The following PXDN variants were observed in gnomAD, a reference collection of about 807,000 sequenced individuals.
The protein encoded by PXDN is peroxidasin.
In PXDN, 77 loss-of-function variants were observed where a neutral mutation model predicts 140.3. That is an observed-to-expected ratio of 0.55 (90% CI 0.46 to 0.66). The LOEUF (loss-of-function observed/expected upper bound fraction) is 0.66. PXDN is among the 30% of genes least tolerant of loss of function. The pLI, the probability that PXDN is intolerant of heterozygous loss-of-function variation, is 0.00. For missense variants in PXDN, 1,838 were observed against 2,039.5 expected (o/e 0.90, Z 1.90); for synonymous variants, 911 against 857.4 (o/e 1.06, Z -1.09).
chr2:1,734,344 C>A (rs571790047), intron 1 of PXDN, among the ~76,000 whole-genome samples: 5 of 152,228 alleles, frequency 3.3e-5, no homozygotes, highest in Admixed American at 6.5e-5. Context: ...AACACCTGAG[C>A]CTTCAGAGAG....
chr2:1,635,713 T>C (rs1682536650), intron 21 of PXDN, 192 bp from the exon 22 acceptor site: 4 of 595,188 alleles, frequency 6.7e-6, no homozygotes, highest in Admixed American at 2.5e-5. Flanking sequence ...CACGCCCCAA[T>C]GGAAGACATT....
At chr2:1,663,956 TA>T in intron 11 of PXDN, 193 bp from the exon 12 acceptor site, 2 of 618,904 alleles carry the variant, frequency 3.2e-6, no homozygotes, top group Non-Finnish European at 5.6e-6. Context: ...CCTGCACCCG[TA>T]ACTCAGACAG....
At position 1,644,632 on chromosome 2, in the gene PXDN, C is replaced by A; in HGVS notation, c.3729G>T (p.Leu1243=). The A allele has an allele frequency of 6.2e-7, 1 of 1,600,518 alleles. No homozygotes were observed. The change falls in exon 18 of 23, where the codon CTG becomes CTT. Residue 1243 remains leucine, a synonymous_variant. Transcript: ENST00000252804. ...MCLLSTQFKR[L]RDGDRLWYEN... Reference sequence around the variant, plus strand: ...CACGTGCTCACCTGTCCCCATCTCGCAGGCGCTTGAACTGTGTGCTGAGAA... The same window carrying A: ...CACGTGCTCACCTGTCCCCATCTCGAAGGCGCTTGAACTGTGTGCTGAGAA...
intron 17 of PXDN, among the ~76,000 whole-genome samples, chr2:1,646,981 T>C (rs1006836530): frequency 1.3e-5 from 2 of 152,146 alleles, no homozygotes; most frequent in South Asian, 4.2e-4. Flanking sequence ...CTGCAATATC[T>C]GCCACCCAGG....
At chr2:1,744,575 G>A (rs939276917), upstream of PXDN, 1 of 855,608 alleles carries the variant, frequency 1.2e-6, no homozygotes. Context: ...CGCCAGCTGT[G>A]CACATGCGCG....
intron 1 of PXDN, among the ~76,000 whole-genome samples, chr2:1,701,934 GGCTGGT>G (rs1251455353): frequency 6.6e-6 from 1 of 152,144 alleles, no homozygotes; most frequent in African/African-American, 2.4e-5. Flanking sequence ...ACACCCAATT[GGCTGGT>G]GCTTGATCTT....
rs747095466 is a variant in PXDN at position 1,649,553 on chromosome 2, T to A, written c.2227A>T (p.Thr743Ser). The A allele has an allele frequency of 1.2e-6, 2 of 1,614,018 alleles. No homozygotes were observed. Among genetic ancestry groups the A allele is most frequent in the South Asian group, 1.1e-5 (1 of 91,082 alleles). Residue 743 changes from threonine to serine, a missense_variant, in exon 17 of 23, where the codon ACG becomes TCG. Transcript: ENST00000252804. This position sits in a 1 kb window ranked among gnomAD's most constrained non-coding sequence, Gnocchi z 7.1. ...AGGTTGTTACAGGTGCCGTCGTGCG[T>A]CCGGTACTTCTGGTGGAAGCACATG... ...SDMCFHQKYR[T>S]HDGTCNNLQH...
intron 1 of PXDN, among the ~76,000 whole-genome samples, chr2:1,704,329 G>A (rs1684529163): frequency 2.6e-5 from 2 of 78,014 alleles, no homozygotes; most frequent in African/African-American, 4.9e-5. Flanking sequence ...GGTGAAGCGG[G>A]GGACAACTCC....
At chr2:1,744,166 T>C (rs1244118306) in intron 1 of PXDN, 90 bp downstream of exon 1, 60 of 494,816 alleles carry the variant, frequency 1.2e-4, no homozygotes, top group South Asian at 7.9e-4. Flanking sequence ...CCCTCCACCC[T>C]CCGCGCCCCC....
At chr2:1,656,897 TA>T (rs1683150392) in intron 14 of PXDN, among the ~76,000 whole-genome samples, 1 of 149,074 alleles carries the variant, frequency 6.7e-6, no homozygotes, top group African/African-American at 2.5e-5. Flanking sequence ...GACAGGGACC[TA>T]CCCCCTCCTG....
chr2:1,692,059 G>T, intron 2 of PXDN, 60 bp from the exon 3 acceptor site: 1 of 1,218,622 alleles, frequency 8.2e-7, no homozygotes, highest in Non-Finnish European at 1.1e-6. Flanking sequence ...TCGAAGTTGT[G>T]TTAAAACATT....
intron 17 of PXDN, among the ~76,000 whole-genome samples, chr2:1,646,866 T>C (rs915400394): frequency 6.6e-6 from 1 of 152,204 alleles, no homozygotes; most frequent in Non-Finnish European, 1.5e-5. Context: ...AGAATCACAA[T>C]GGGAAAACAC....
At chr2:1,635,226 T>C (rs1682518240) in intron 22 of PXDN, among the ~76,000 whole-genome samples, 182 bp downstream of exon 22, 1 of 152,166 alleles carries the variant, frequency 6.6e-6, no homozygotes, top group Non-Finnish European at 1.5e-5. Context: ...TAGCACGTCC[T>C]CTGTGCACAG....
chr2:1,648,224 C>T lies in PXDN; in HGVS notation c.3556G>A (p.Glu1186Lys), dbSNP rs199680670. ...TTTTTAATCTCATTTTTCAGGTCCT[C>T]GAACGTGTGTGCCGCCGATAGATTG... ...YCNLSAAHTF[E>K]DLKNEIKNPE... The change falls in exon 17 of 23, where the codon GAG becomes AAG. Residue 1186 changes from glutamate (E) to lysine (K), a missense_variant. Glu to Lys is a moderately conservative substitution (Grantham distance 56). Around this residue, in one of 5 missense-constraint regions of PXDN, gnomAD observed 850 missense variants for 894.1 expected, o/e 0.95. Transcript: ENST00000252804. The surrounding 1 kb of genome is among the most constrained non-coding windows in gnomAD (Gnocchi z 8.9). 37 of 1,613,728 alleles carry T rather than the reference C, an allele frequency of 2.3e-5. No homozygotes were observed. Among genetic ancestry groups the T allele is most frequent in the Middle Eastern group, 1.6e-4 (1 of 6,084 alleles).
chr2:1,709,575 G>A (rs1465107795), intron 1 of PXDN, among the ~76,000 whole-genome samples: 1 of 152,202 alleles, frequency 6.6e-6, no homozygotes, highest in Non-Finnish European at 1.5e-5. Context: ...TCCAAAGTCA[G>A]GGCCATTGAA....
chr2:1,709,164 A>C (rs1020044087), intron 1 of PXDN, among the ~76,000 whole-genome samples: 6 of 152,178 alleles, frequency 3.9e-5, no homozygotes, highest in Admixed American at 2.0e-4. Flanking sequence ...CATTGGTACT[A>C]GCGACACATC....
At chr2:1,665,327 C>A (rs1326448228) in intron 10 of PXDN, among the ~76,000 whole-genome samples, 1 of 152,214 alleles carries the variant, frequency 6.6e-6, no homozygotes, top group Non-Finnish European at 1.5e-5. Context: ...AGCTGCAATG[C>A]ACACGGGGCA....
chr2:1,705,735 G>A (rs1684586348), intron 1 of PXDN, among the ~76,000 whole-genome samples: 1 of 150,286 alleles, frequency 6.7e-6, no homozygotes. Flanking sequence ...CCCACAACCT[G>A]GGATGCAGGT....
rs1438451740 is a variant in PXDN at position 1,639,795 on chromosome 2, T to A, written c.3953-373A>T. ...GCTGTTTCTGGGGGTCCCTCCCCGATGGCCAGATGACAATCTGCACTCTGG... is the reference window on the plus strand; with the variant it reads ...GCTGTTTCTGGGGGTCCCTCCCCGAAGGCCAGATGACAATCTGCACTCTGG... On this transcript the variant is annotated intron_variant, in intron 19 of 22. Coordinates refer to ENST00000252804, the MANE Select transcript of PXDN (RefSeq NM_012293.3). The surrounding 1 kb of genome is among the most constrained non-coding windows in gnomAD (Gnocchi z 5.0). Among the ~76,000 whole-genome samples the A allele has an allele frequency of 6.6e-6, 1 of 152,236 alleles. No individual in the cohort carries two copies. Among genetic ancestry groups the A allele is most frequent in the East Asian group, 1.9e-4 (1 of 5,192 alleles).
Sources: allele counts gnomAD v4.1 joint callset (sites outside exome capture counted in the v4.1 genomes callset), GRCh38; gene constraint gnomAD v4.1.1; regional missense constraint gnomAD v4.1.1; non-coding constraint Gnocchi (gnomAD v3.1); transcripts MANE v1.5; gene names NCBI Gene and HGNC (gene_info 2026-07-23, HGNC 2026-07-21).